MCM10: variants seen among roughly 807,000 people sequenced by gnomAD.
The protein encoded by MCM10 is minichromosome maintenance 10 replication initiation factor, also known as protein MCM10 homolog.
In MCM10, 91 loss-of-function variants were observed where a neutral mutation model predicts 109.9. That is an observed-to-expected ratio of 0.83 (90% CI 0.70 to 0.99). MCM10 has a LOEUF of 0.99. Ranked by LOEUF, MCM10 falls within the 50% of genes least tolerant of loss-of-function variation. The pLI is 0.00. For synonymous variants in MCM10, 380 were observed against 387.2 expected (o/e 0.98, Z 0.22); for missense variants, 1,077 against 1,061.2 (o/e 1.01, Z -0.21).
rs758145826 is a variant in MCM10 at position 13,195,318 on chromosome 10, C to G, written c.1974+49C>G. Reference sequence around the variant, plus strand: ...GCACTTGAGTTTGCATTCTGTAGAGCAGAGCTGGAGGAAAGACAGACACCT... The same window carrying G: ...GCACTTGAGTTTGCATTCTGTAGAGGAGAGCTGGAGGAAAGACAGACACCT... On this transcript the variant is annotated intron_variant, in intron 14 of 19. Transcript: ENST00000378714. 15 of 1,433,076 alleles carry G rather than the reference C, an allele frequency of 1.0e-5. No individual in the cohort carries two copies. In the East Asian group the frequency reaches 3.7e-4, roughly 35 times the overall value. The allele number at this position is 1,433,076 out of a possible 1,614,324, so 88.8% of individuals were successfully genotyped here.
chr10:13,175,444 A>G, intron 5 of MCM10, 66 bp from the exon 6 acceptor site: 3 of 1,417,672 alleles, frequency 2.1e-6, no homozygotes, highest in Non-Finnish European at 3.0e-6. Flanking sequence ...CGTAAAAACA[A>G]ATTTCCAAAT....
chr10:13,167,060 G>A (rs761235621), intron 2 of MCM10, among the ~76,000 whole-genome samples: 6 of 152,018 alleles, frequency 3.9e-5, no homozygotes, highest in Non-Finnish European at 8.8e-5. Flanking sequence ...GATCGCTTGA[G>A]CCCAGGAGTT....
intron 14 of MCM10, among the ~76,000 whole-genome samples, chr10:13,195,751 C>G (rs1188289583): frequency 3.3e-5 from 5 of 152,032 alleles, no homozygotes; most frequent in Admixed American, 3.3e-4. Context: ...CCTGGGACTA[C>G]AGGCGCCTAC....
rs895979142 is a variant in MCM10, at chr10:13,209,441, C to G, written c.*131C>G. On this transcript the variant is annotated 3_prime_UTR_variant, in exon 20 of 20. Transcript: ENST00000378714. Reference sequence around the variant, plus strand: ...AACAAATGCTTGTTAAGCCCATAAGCTTTGCCTGCTTACTTTCTGCCATTG... The same window carrying G: ...AACAAATGCTTGTTAAGCCCATAAGGTTTGCCTGCTTACTTTCTGCCATTG... 1.4e-6 allele frequency: 1 copy of G among 706,234 alleles called. No individual in the cohort carries two copies. The highest frequency in any genetic ancestry group is 1.8e-5 in the African/African-American group (1 of 55,598). The allele number at this position is 706,234 out of a possible 1,614,324, so 43.7% of individuals were successfully genotyped here. A position where few individuals can be genotyped will look rare whatever the true frequency, so the allele number is the denominator to read the frequency against.
intron 6 of MCM10, among the ~76,000 whole-genome samples, chr10:13,178,187 G>A (rs956483842): frequency 7.9e-5 from 12 of 152,066 alleles, no homozygotes; most frequent in African/African-American, 2.4e-4. Context: ...TCTGCCTCCC[G>A]AGTTCAAGTG....
At chr10:13,188,730 G>A (rs1200212100) in intron 9 of MCM10, 151 bp from the exon 10 acceptor site, 3 of 725,068 alleles carry the variant, frequency 4.1e-6, no homozygotes, top group Non-Finnish European at 7.4e-6. Context: ...GGACTGAGCA[G>A]CCCTTCCACA....
rs73577675 is a variant in MCM10, at chr10:13,179,271, C to G, written c.765-1171C>G. 3.9e-3 allele frequency among the ~76,000 whole-genome samples: 596 copies of G among 152,248 alleles called. 9 individuals carry two copies. The highest frequency in any genetic ancestry group is 0.014 in the African/African-American group (576 of 41,544). On this transcript the variant is annotated intron_variant, in intron 6 of 19. Transcript: ENST00000378714. ...TGTGTATGTGTGATGAGGCTCTTTT[C>G]TTGGTGTGTTCCCAGATATGCTCCA...
intron 2 of MCM10, among the ~76,000 whole-genome samples, chr10:13,166,328 A>G (rs1382748922): frequency 6.6e-6 from 1 of 152,000 alleles, no homozygotes; most frequent in Non-Finnish European, 1.5e-5. Context: ...GATTACATCT[A>G]TTTTTTCTGT....
At chr10:13,191,174 C>A in intron 10 of MCM10, 125 bp from the exon 11 acceptor site, 1 of 655,924 alleles carries the variant, frequency 1.5e-6, no homozygotes. Context: ...AGAAAGCCTA[C>A]TTAGATGGTG....
At position 13,172,742 on chromosome 10, in the gene MCM10, G is replaced by C. The variant is rs747534837; in HGVS notation, c.569G>C (p.Arg190Pro). 7 of 1,614,100 alleles carry C rather than the reference G, an allele frequency of 4.3e-6. No individual in the cohort carries two copies. In the South Asian group the frequency reaches 6.6e-5, roughly 15 times the overall value. ...CTACCAAGAACCAAGAGGGTGGCTCGAACACCAAAGGCTTCACCTCCAGGT... is the reference window on the plus strand; with the variant it reads ...CTACCAAGAACCAAGAGGGTGGCTCCAACACCAAAGGCTTCACCTCCAGGT... ...PALPRTKRVA[R>P]TPKASPPDPK... The change falls in exon 5 of 20, where the codon CGA (arginine) becomes CCA (proline). Residue 190 changes from arginine to proline, a missense_variant. By Grantham distance (103) the Arg-to-Pro change is moderately radical. Transcript: ENST00000378714. The surrounding 1 kb of genome is among the most constrained non-coding windows in gnomAD (Gnocchi z 5.2).
intron 15 of MCM10, 119 bp downstream of exon 15, chr10:13,197,886 T>G: frequency 2.0e-5 from 19 of 953,742 alleles, no homozygotes; most frequent in South Asian, 3.7e-5. Flanking sequence ...CTATATAGAA[T>G]ACCTAAATAG....
intron 1 of MCM10, among the ~76,000 whole-genome samples, chr10:13,162,661 C>T (rs1223895401): frequency 1.3e-5 from 2 of 152,094 alleles, no homozygotes; most frequent in Non-Finnish European, 2.9e-5. Flanking sequence ...AAGGCAAGGC[C>T]GGTTACAGAC....
intron 18 of MCM10, among the ~76,000 whole-genome samples, chr10:13,207,155 T>C (rs1222922926): frequency 1.3e-5 from 2 of 152,082 alleles, no homozygotes; most frequent in Non-Finnish European, 1.5e-5. Flanking sequence ...AAAATGTCAG[T>C]GGTGAATATA....
rs1326995796 is a variant in MCM10, at chr10:13,195,135, C to T, written c.1840C>T (p.Pro614Ser). 1.9e-6 allele frequency: 3 copies of T among 1,614,038 alleles called. No homozygotes were observed. In the African/African-American group the frequency reaches 4.0e-5, roughly 22 times the overall value. Residue 614 changes from proline (P) to serine (S), a missense_variant, in exon 14 of 20, where the codon CCC (proline) becomes TCC (serine). Pro to Ser is a moderately conservative substitution (Grantham distance 74). Coordinates refer to ENST00000378714, the MANE Select transcript of MCM10 (RefSeq NM_018518.5). ...AQPPRTGSEF[P>S]RLEGAPATMT... ...GCCTCCACGGACAGGATCCGAGTTC[C>T]CCAGGCTGGAGGGAGCCCCGGCCAC...
intron 3 of MCM10, among the ~76,000 whole-genome samples, chr10:13,171,594 T>A (rs143439835): frequency 1.3e-5 from 2 of 152,290 alleles, no homozygotes; most frequent in African/African-American, 4.8e-5. Flanking sequence ...CTGCCACATA[T>A]CTATTTGAGC....
chr10:13,187,760 G>A (rs1160039343), intron 9 of MCM10, among the ~76,000 whole-genome samples: 2 of 152,104 alleles, frequency 1.3e-5, no homozygotes, highest in African/African-American at 4.8e-5. Context: ...ATTAATTGGT[G>A]GACAGGAAAG....
chr10:13,197,679 A>G lies in MCM10; in HGVS notation c.2031A>G (p.Pro677=). ...GCCAGGTTCTTACAAAAACAAACCC[A>G]AACAGCATTAAGAAGAAACAAAAGG... The part of the protein sequence containing the change: ...AKGQVLTKTN[P]NSIKKKQKDP... The change falls in exon 15 of 20, where the codon CCA becomes CCG. Residue 677 remains proline (P), a synonymous_variant. Coordinates refer to ENST00000378714, the MANE Select transcript of MCM10 (RefSeq NM_018518.5). 6.2e-7 allele frequency: 1 copy of G among 1,614,098 alleles called. No homozygotes were observed.
At chr10:13,161,927 G>A (rs1833932428) in intron 1 of MCM10, among the ~76,000 whole-genome samples, 1 of 151,946 alleles carries the variant, frequency 6.6e-6, no homozygotes, top group Non-Finnish European at 1.5e-5. Context: ...TTGGTTTCTC[G>A]TATTCATGAT....
chr10:13,175,464 G>A (rs1834128741), intron 5 of MCM10, 46 bp from the exon 6 acceptor site: 2 of 1,520,232 alleles, frequency 1.3e-6, no homozygotes, highest in African/African-American at 2.7e-5. Flanking sequence ...TTCCGTTCGT[G>A]ATTATCAGTG....
Sources: allele counts gnomAD v4.1 joint callset (sites outside exome capture counted in the v4.1 genomes callset), GRCh38; gene constraint gnomAD v4.1.1; non-coding constraint Gnocchi (gnomAD v3.1); transcripts MANE v1.5; gene names NCBI Gene and HGNC (gene_info 2026-07-23, HGNC 2026-07-21).